The following ZNF469 variants were observed in gnomAD, a reference collection of about 807,000 sequenced individuals.
The protein encoded by ZNF469 is zinc finger protein 469.
ZNF469 carries 1 observed loss-of-function variant against 1.0 expected under a neutral mutation model. That is an observed-to-expected ratio of 1.00 (90% CI 0.35 to 4.73). The LOEUF (loss-of-function observed/expected upper bound fraction) is 4.73. ZNF469 is among the 30% of genes most tolerant of loss of function. The pLI is 0.16. For missense variants in ZNF469, 6,100 were observed against 5,356.3 expected (o/e 1.14, Z -4.33); for synonymous variants, 2,703 against 2,363.4 (o/e 1.14, Z -4.17).
chr16:88,435,255 C>T lies in ZNF469; in HGVS notation c.7785C>T (p.Asp2595=). The stretch of plus-strand genomic sequence containing the variant: ...CTCCGGCCTCCAAGCCCAGACCAGA[C>T]CAGGCCAGGGAAGATGAGCTGCATC... ...VKTPASKPRP[D]QAREDELHPK... is the part of the protein sequence containing the mutation. The change falls in exon 3 of 3, where the codon GAC becomes GAT. Residue 2595 remains aspartate (D), a synonymous_variant. Transcript: ENST00000565624. 6.5e-7 allele frequency: 1 copy of T among 1,550,368 alleles called. No individual in the cohort carries two copies. Among genetic ancestry groups the T allele is most frequent in the South Asian group, 1.2e-5 (1 of 84,060 alleles).
At chr16:88,233,764 G>A in the ZNF469 span, among the ~76,000 whole-genome samples, 1 of 152,264 alleles carries the variant, frequency 6.6e-6, no homozygotes, top group African/African-American at 2.4e-5. Context: ...TCAGGACCCC[G>A]ATGGGGACGT....
chr16:88,212,186 T>C, the ZNF469 span, among the ~76,000 whole-genome samples: 4 of 152,248 alleles, frequency 2.6e-5, no homozygotes, highest in Admixed American at 1.3e-4. Context: ...TTATATGTAA[T>C]GTCTAATAGT....
the ZNF469 span, among the ~76,000 whole-genome samples, chr16:88,228,480 G>A: frequency 6.6e-6 from 1 of 152,250 alleles, no homozygotes; most frequent in East Asian, 1.9e-4. Flanking sequence ...AGAGGGCACG[G>A]CAATGGTGGT....
At chr16:88,321,687 G>A in the ZNF469 span, among the ~76,000 whole-genome samples, 1 of 151,438 alleles carries the variant, frequency 6.6e-6, no homozygotes, top group African/African-American at 2.4e-5. Flanking sequence ...CCTGATTGGT[G>A]TGGCCTCAGA....
At position 88,432,221 on chromosome 16, in the gene ZNF469, C is replaced by T. The variant is rs1193216158; in HGVS notation, c.4751C>T (p.Ala1584Val). The T allele has an allele frequency of 6.5e-7, 1 of 1,549,760 alleles. No individual in the cohort carries two copies. Among genetic ancestry groups the T allele is most frequent in the South Asian group, 1.2e-5 (1 of 84,062 alleles). The change falls in exon 3 of 3, where the codon GCC (alanine) becomes GTC (valine). Residue 1584 changes from alanine (A) to valine (V), a missense_variant. By Grantham distance (64) the Ala-to-Val change is moderately conservative. Transcript: ENST00000565624. ...CAAAGGAGCAAAGACACACGTGGGG[C>T]CCCGAGAGAGCTTGCAGAAGCTGAG... ...QLQRSKDTRGAPRELAEAESV... is the reference protein window; with the variant it reads ...QLQRSKDTRGVPRELAEAESV...
the ZNF469 span, among the ~76,000 whole-genome samples, chr16:88,242,808 C>A: frequency 2.6e-5 from 4 of 152,254 alleles, no homozygotes; most frequent in Non-Finnish European, 5.9e-5. Context: ...AGGGTGTTTA[C>A]ACATTCCTGT....
Position 88,437,597 on chromosome 16 carries a change from A to G in ZNF469, c.10127A>G (p.Glu3376Gly). ...CCCCGGTGCCCCCGGGTCTACCCCG[A>G]GCACGGGGAGCTGCTGGCACACCTG... The part of the protein sequence containing the change: ...LCPRCPRVYP[E>G]HGELLAHLGG... The change falls in exon 3 of 3, where the codon GAG becomes GGG. Residue 3376 changes from glutamate to glycine, a missense_variant. Coordinates refer to ENST00000565624, the MANE Select transcript of ZNF469 (RefSeq NM_001367624.2). The G allele has an allele frequency of 6.5e-7, 1 of 1,537,162 alleles. No homozygotes were observed. The highest frequency in any genetic ancestry group is 8.8e-7 in the Non-Finnish European group (1 of 1,137,208).
At chr16:88,331,597 TATC>T in the ZNF469 span, among the ~76,000 whole-genome samples, 155 of 134,150 alleles carry the variant, frequency 1.2e-3, 1 homozygote, top group Non-Finnish European at 2.2e-3. Context: ...CCATCACCAC[TATC>T]ATCACCACCA....
the ZNF469 span, among the ~76,000 whole-genome samples, chr16:88,160,782 G>A: frequency 6.6e-6 from 1 of 152,162 alleles, no homozygotes; most frequent in African/African-American, 2.4e-5. Context: ...CCACCCAGCA[G>A]CCTGCGAGAT....
chr16:88,222,063 T>C, the ZNF469 span, among the ~76,000 whole-genome samples: 1 of 152,076 alleles, frequency 6.6e-6, no homozygotes, highest in South Asian at 2.1e-4. Context: ...ACTCTCACAC[T>C]TTCTGAGCTG....
Position 88,440,470 on chromosome 16 carries a change from G to C in ZNF469, c.*1138G>C, listed in dbSNP as rs1265390750. On this transcript the variant is annotated 3_prime_UTR_variant, in exon 3 of 3. Coordinates refer to ENST00000565624, the MANE Select transcript of ZNF469 (RefSeq NM_001367624.2). ...TGTGAAGGTGGGTCAAAGGGTGAGA[G>C]GGCTTCCTTCTCACCCTTCTCTCCA... The C allele has an allele frequency of 6.6e-6, 1 of 152,136 alleles. No individual in the cohort carries two copies. Among genetic ancestry groups the C allele is most frequent in the Non-Finnish European group, 1.5e-5 (1 of 68,010 alleles). The allele number at this position is 152,136 out of a possible 1,614,324, so 9.4% of individuals were successfully genotyped here.
intron 1 of ZNF469, among the ~76,000 whole-genome samples, chr16:88,399,203 C>G (rs1465328114): frequency 6.6e-6 from 1 of 152,236 alleles, no homozygotes; most frequent in Non-Finnish European, 1.5e-5. Flanking sequence ...TGGCAGTCAT[C>G]TGAGGCTGGG....
At chr16:88,130,764 G>A in the ZNF469 span, among the ~76,000 whole-genome samples, 991 of 149,694 alleles carry the variant, frequency 6.6e-3, no homozygotes, top group African/African-American at 0.023. Flanking sequence ...AGCCTCCCAC[G>A]CACTCAGTGG....
chr16:88,329,505 G>A, the ZNF469 span, among the ~76,000 whole-genome samples: 1 of 152,218 alleles, frequency 6.6e-6, no homozygotes, highest in Non-Finnish European at 1.5e-5. Context: ...TGAGTCAGAA[G>A]GGTGAGGATG....
chr16:88,224,632 G>A, the ZNF469 span, among the ~76,000 whole-genome samples: 1 of 152,214 alleles, frequency 6.6e-6, no homozygotes, highest in African/African-American at 2.4e-5. Context: ...AGGGCGTCTG[G>A]GCTGCACCTC....
the ZNF469 span, among the ~76,000 whole-genome samples, chr16:88,279,847 ATGCTGACACT>A: frequency 7.6e-6 from 1 of 131,172 alleles, no homozygotes. Context: ...GTGCTGTGCC[ATGCTGACACT>A]CGGTCAGTAC....
At chr16:88,254,587 G>A in the ZNF469 span, among the ~76,000 whole-genome samples, 721 of 152,116 alleles carry the variant, frequency 4.7e-3, 10 homozygotes, top group African/African-American at 0.017. Context: ...ATGAAACCCC[G>A]TCTCTACTAA....
intron 1 of ZNF469, among the ~76,000 whole-genome samples, chr16:88,394,555 G>A (rs938230547): frequency 2.6e-5 from 4 of 152,232 alleles, no homozygotes; most frequent in South Asian, 4.1e-4. Flanking sequence ...CCGTGGCCAG[G>A]CACCTTGAAG....
At chr16:88,394,202 C>G (rs987913751) in intron 1 of ZNF469, among the ~76,000 whole-genome samples, 5 of 149,286 alleles carry the variant, frequency 3.3e-5, no homozygotes, top group African/African-American at 1.2e-4. Flanking sequence ...CTGGGAGGAG[C>G]GGAGTTTGAC....
Sources: allele counts gnomAD v4.1 joint callset (sites outside exome capture counted in the v4.1 genomes callset), GRCh38; gene constraint gnomAD v4.1.1; transcripts MANE v1.5; gene names NCBI Gene and HGNC (gene_info 2026-07-23, HGNC 2026-07-21).